Variants in SIMC1 observed in about 807,000 individuals in gnomAD.
SIMC1 encodes SUMO-interacting motif-containing protein 1.
Under a neutral mutation model 82.3 loss-of-function variants are expected in SIMC1, and 55 were observed. The observed-to-expected ratio is 0.67, with a 90% confidence interval of 0.54 to 0.84. The LOEUF is 0.84. Ranked by LOEUF, SIMC1 falls within the 40% of genes least tolerant of loss-of-function variation. The probability of loss-of-function intolerance (pLI) is 0.00; values close to 1 mark genes in which losing one functional copy is unlikely to be tolerated. For missense variants in SIMC1, 915 were observed against 1,107.2 expected (o/e 0.83, Z 2.46); for synonymous variants, 353 against 426.3 (o/e 0.83, Z 2.12).
chr5:176,319,712 A>G (rs552277341), intron 5 of SIMC1, among the ~76,000 whole-genome samples: 4 of 152,232 alleles, frequency 2.6e-5, no homozygotes, highest in South Asian at 2.1e-4. Context: ...TCCTGGATCC[A>G]TGTCATCTCG....
At chr5:176,306,915 AT>A (rs1415316174) in intron 4 of SIMC1, among the ~76,000 whole-genome samples, 10 of 72,962 alleles carry the variant, frequency 1.4e-4, no homozygotes, top group African/African-American at 4.6e-4. Flanking sequence ...CAATAAAAAA[AT>A]AAATTAAAAA....
At chr5:176,313,208 G>A (rs1056052984) in intron 4 of SIMC1, 18 of 1,098,920 alleles carry the variant, frequency 1.6e-5, no homozygotes, top group African/African-American at 3.2e-5. Flanking sequence ...ACATCATGGC[G>A]GTTTGATCTA....
intron 1 of SIMC1, among the ~76,000 whole-genome samples, chr5:176,259,593 C>T (rs184731037): frequency 1.3e-5 from 2 of 152,148 alleles, no homozygotes; most frequent in Admixed American, 6.5e-5. Flanking sequence ...GCCAACATGG[C>T]GAAACCCTGT....
chr5:176,287,192 T>C (rs1214625172), intron 1 of SIMC1, among the ~76,000 whole-genome samples: 1 of 152,160 alleles, frequency 6.6e-6, no homozygotes, highest in Non-Finnish European at 1.5e-5. Flanking sequence ...ATGTTTATTG[T>C]GGTACTATTC....
intron 4 of SIMC1, among the ~76,000 whole-genome samples, chr5:176,301,793 A>AAT (rs1379831761): frequency 1.3e-5 from 2 of 151,430 alleles, no homozygotes; most frequent in Non-Finnish European, 2.9e-5. Flanking sequence ...AAAAAAAAAA[A>AAT]GGAAAAGTAA....
chr5:176,251,356 C>G (rs1761645156), intron 1 of SIMC1, among the ~76,000 whole-genome samples: 1 of 152,150 alleles, frequency 6.6e-6, no homozygotes, highest in Non-Finnish European at 1.5e-5. Flanking sequence ...AAGCGAGACT[C>G]CACCTCAAAA....
At chr5:176,278,961 C>T (rs1188104386) in intron 1 of SIMC1, among the ~76,000 whole-genome samples, 3 of 151,946 alleles carry the variant, frequency 2.0e-5, no homozygotes, top group African/African-American at 4.8e-5. Flanking sequence ...GATGCTGGCC[C>T]CATAAAATGA....
At chr5:176,300,347 C>G (rs1281081785) in intron 4 of SIMC1, among the ~76,000 whole-genome samples, 1 of 152,172 alleles carries the variant, frequency 6.6e-6, no homozygotes, top group Non-Finnish European at 1.5e-5. Flanking sequence ...GAGGCAGAGT[C>G]TCACTCTGTC....
intron 5 of SIMC1, among the ~76,000 whole-genome samples, chr5:176,319,302 A>T (rs1765056527): frequency 6.6e-6 from 1 of 151,994 alleles, no homozygotes; most frequent in African/African-American, 2.4e-5. Flanking sequence ...AATAAACAGG[A>T]TTTTTCACTT....
intron 1 of SIMC1, among the ~76,000 whole-genome samples, chr5:176,242,047 A>G (rs1035264594): frequency 1.3e-5 from 2 of 152,146 alleles, no homozygotes; most frequent in Non-Finnish European, 2.9e-5. Context: ...TTAAACAAGT[A>G]TATGTGGAAA....
In SIMC1 at chr5:176,289,987, T is replaced by A. The variant is rs372294231; in HGVS notation, c.463T>A (p.Tyr155Asn). 8.1e-6 allele frequency: 13 copies of A among 1,613,442 alleles called. No homozygotes were observed. The East Asian group carries it at 2.9e-4, about 36-fold the overall frequency. ...PATSISGGSV[Y>N]PTEPNCSSAT... ...TACATCCATCAGTGGAGGCTCTGTTTATCCAACAGAGCCTAATTGTAGCTC... is the reference window on the plus strand; with the variant it reads ...TACATCCATCAGTGGAGGCTCTGTTAATCCAACAGAGCCTAATTGTAGCTC... The change falls in exon 2 of 10, where the codon TAT becomes AAT. Residue 155 changes from tyrosine (Y) to asparagine (N), a missense_variant. Tyr to Asn is a moderately radical substitution (Grantham distance 143, BLOSUM62 -2). Transcript: ENST00000429602.
At chr5:176,306,019 C>G (rs1764354662) in intron 4 of SIMC1, among the ~76,000 whole-genome samples, 1 of 64,682 alleles carries the variant, frequency 1.5e-5, no homozygotes, top group Non-Finnish European at 3.5e-5. Flanking sequence ...GCCGCCCCGT[C>G]CGGGAGGGAG....
chr5:176,345,540 C>T lies in SIMC1; in HGVS notation c.*95C>T. ...AGCATGAAAAGTGGTTAAAATCTTA[C>T]AGGACCAAACCTGCATTATTTAATC... On this transcript the variant is annotated 3_prime_UTR_variant, in exon 10 of 10. Transcript: ENST00000429602. The T allele has an allele frequency of 7.2e-7, 1 of 1,379,978 alleles. No individual in the cohort carries two copies. Among genetic ancestry groups the T allele is most frequent in the Non-Finnish European group, 9.7e-7 (1 of 1,028,892 alleles). The allele number at this position is 1,379,978 out of a possible 1,614,324, so 85.5% of individuals were successfully genotyped here.
intron 6 of SIMC1, among the ~76,000 whole-genome samples, chr5:176,323,781 T>A (rs1291840486): frequency 6.6e-6 from 1 of 151,996 alleles, no homozygotes; most frequent in African/African-American, 2.4e-5. Flanking sequence ...GGTCAGGAGA[T>A]GGAGACCATC....
chr5:176,296,433 G>A, intron 4 of SIMC1, 113 bp downstream of exon 4: 1 of 1,556,750 alleles, frequency 6.4e-7, no homozygotes, highest in Non-Finnish European at 8.7e-7. Context: ...GGAGGCCGAG[G>A]CAGGAGGACA....
intron 1 of SIMC1, among the ~76,000 whole-genome samples, chr5:176,287,827 A>G (rs1398131079): frequency 6.6e-6 from 1 of 152,172 alleles, no homozygotes; most frequent in East Asian, 1.9e-4. Flanking sequence ...TATATTAGCA[A>G]TGGACAATTG....
intron 4 of SIMC1, chr5:176,308,699 C>T (rs189567620): frequency 3.8e-4 from 576 of 1,505,620 alleles, no homozygotes; most frequent in Middle Eastern, 1.9e-4. Flanking sequence ...ATGAGAGAAT[C>T]GAAATCCCAA....
In SIMC1 at chr5:176,313,821, G is replaced by A. The variant is rs754953486; in HGVS notation, c.1865G>A (p.Cys622Tyr). The change falls in exon 5 of 10, where the codon TGT (cysteine) becomes TAT (tyrosine). Residue 622 changes from cysteine to tyrosine, a missense_variant. Around this residue, in one of 2 missense-constraint regions of SIMC1, gnomAD observed 902 missense variants for 1,040.3 expected, o/e 0.87. Transcript: ENST00000429602. ...TCCATTGCAAACATGGTGCTTTCCT[G>A]TGACAAGCAGCCCCACAATGTCAGG... ...QQSIANMVLS[C>Y]DKQPHNVRDV... 1.9e-6 allele frequency: 3 copies of A among 1,613,588 alleles called. No individual in the cohort carries two copies. The African/African-American group carries it at 4.0e-5, about 22-fold the overall frequency.
intron 7 of SIMC1, among the ~76,000 whole-genome samples, chr5:176,329,482 C>T (rs1035597158): frequency 1.5e-5 from 2 of 130,790 alleles, no homozygotes; most frequent in Admixed American, 8.6e-5. Context: ...GGCGAAAGAG[C>T]GAGACTCCCT....
Sources: gnomAD v4.1 joint callset for allele counts (sites outside exome capture counted in the v4.1 genomes callset) on GRCh38, gnomAD v4.1.1 for gene constraint, gnomAD v4.1.1 regional missense constraint, MANE v1.5 for transcripts, NCBI Gene and HGNC (gene_info 2026-07-23, HGNC 2026-07-21) for gene names.